Variants in KPTN observed in about 807,000 individuals in gnomAD.
The protein encoded by KPTN is kaptin, actin binding protein.
A neutral mutation model predicts 52.6 loss-of-function variants in KPTN; 36 were observed. That is an observed-to-expected ratio of 0.68 (90% CI 0.52 to 0.90). The LOEUF (loss-of-function observed/expected upper bound fraction) is 0.90. Ranked by LOEUF, KPTN falls within the 40% of genes least tolerant of loss-of-function variation. The pLI, the probability that KPTN is intolerant of heterozygous loss-of-function variation, is 0.00. For synonymous variants in KPTN, 271 were observed against 248.4 expected (o/e 1.09, Z -0.85); for missense variants, 529 against 576.2 (o/e 0.92, Z 0.84).
chr19:47,481,051 T>A lies in KPTN; in HGVS notation c.450-18A>T. ...CCTGGACCCTGAAAGCAGAGAAATCTAGAACCCAAGGTAGTGGAATCCACA... is the reference window on the plus strand; with the variant it reads ...CCTGGACCCTGAAAGCAGAGAAATCAAGAACCCAAGGTAGTGGAATCCACA... On this transcript the variant is annotated intron_variant, in intron 4 of 11. Coordinates refer to ENST00000338134, the MANE Select transcript of KPTN (RefSeq NM_007059.4). The A allele has an allele frequency of 6.4e-7, 1 of 1,563,126 alleles. No individual in the cohort carries two copies. Among genetic ancestry groups the A allele is most frequent in the East Asian group, 2.3e-5 (1 of 42,692 alleles).
chr19:47,479,927 C>T lies in KPTN; in HGVS notation c.723G>A (p.Met241Ile). The change falls in exon 8 of 12, where the codon ATG becomes ATA. Residue 241 changes from methionine to isoleucine, a missense_variant. Physicochemically the swap from Met to Ile is conservative, Grantham distance 10 (BLOSUM62 1). Coordinates refer to ENST00000338134, the MANE Select transcript of KPTN (RefSeq NM_007059.4). ...TGGGACCGTCCTGCAGGACCGACCA[C>T]ATCTGCAGAACCTCTGCGTGGAGAG... is the stretch of plus-strand genomic sequence containing the variant. ...VDQRSREVLQ[M>I]WSVLQDGPIS... The T allele has an allele frequency of 1.2e-6, 2 of 1,613,228 alleles. No individual in the cohort carries two copies. Among genetic ancestry groups the T allele is most frequent in the Non-Finnish European group, 1.7e-6 (2 of 1,179,742 alleles).
Position 47,480,961 on chromosome 19 carries a change from C to T in KPTN, c.522G>A (p.Lys174=). The change falls in exon 5 of 12, where the codon AAG becomes AAA. Residue 174 remains lysine (K), a synonymous_variant. Transcript: ENST00000338134. ...CCAGCACGCCGCCCCACCTCACCTC[C>T]TTGTAGAGATGAATGGCCGGGTCGT... ...SGNDPAIHLY[K]ENEGLHQFEE... is the part of the protein sequence containing the mutation. 6.2e-7 allele frequency: 1 copy of T among 1,609,454 alleles called. No homozygotes were observed. Among genetic ancestry groups the T allele is most frequent in the Non-Finnish European group, 8.5e-7 (1 of 1,177,666 alleles).
At chr19:47,484,334 C>T (rs540957701), upstream of KPTN, 25 of 777,896 alleles carry the variant, frequency 3.2e-5, no homozygotes, top group Non-Finnish European at 4.8e-5. Flanking sequence ...CTGCTCGGGC[C>T]TCCCAGGCGA....
rs114753604 is a variant in KPTN, at chr19:47,476,728, G to C, written c.1000-14C>G. ...ACACAGCAGTTCCTGCGGGGGTGAA[G>C]AATCAGGTCACACAGGTTGATGGGG... On this transcript the variant is annotated splice_polypyrimidine_tract_variant and intron_variant, in intron 10 of 11. Transcript: ENST00000338134. 8.1e-6 allele frequency: 13 copies of C among 1,608,844 alleles called. No individual in the cohort carries two copies. Among genetic ancestry groups the C allele is most frequent in the Non-Finnish European group, 1.1e-5 (13 of 1,177,450 alleles).
chr19:47,480,475 C>T, intron 6 of KPTN, 68 bp from the exon 7 acceptor site: 1 of 1,152,684 alleles, frequency 8.7e-7, no homozygotes. Flanking sequence ...TCTGCCTCCC[C>T]AGGGGCAGCC....
At chr19:47,476,007 CAAA>C (rs113284887) in intron 11 of KPTN, 12 of 83,108 alleles carry the variant, frequency 1.4e-4, no homozygotes, top group East Asian at 3.6e-4. Flanking sequence ...ACAAAAAAAC[CAAA>C]AAAAAAAAAA....
At chr19:47,478,865 G>A (rs1397597501) in intron 8 of KPTN, among the ~76,000 whole-genome samples, 1 of 152,176 alleles carries the variant, frequency 6.6e-6, no homozygotes, top group Non-Finnish European at 1.5e-5. Flanking sequence ...CATACAGAGT[G>A]TATAATGGTG....
chr19:47,484,328 T>C, upstream of KPTN: 1 of 835,882 alleles, frequency 1.2e-6, no homozygotes, highest in Non-Finnish European at 1.8e-6. Context: ...GGTCGCCTGC[T>C]CGGGCCTCCC....
upstream of KPTN, among the ~76,000 whole-genome samples, chr19:47,485,045 ATTC>A (rs1968030994): frequency 6.6e-6 from 1 of 151,920 alleles, no homozygotes; most frequent in Admixed American, 6.6e-5. Flanking sequence ...TAATTAATAC[ATTC>A]TTCTTGCCCC....
At chr19:47,480,266 C>G in intron 7 of KPTN, 32 bp downstream of exon 7, 1 of 1,448,342 alleles carries the variant, frequency 6.9e-7, no homozygotes, top group Non-Finnish European at 9.5e-7. Context: ...CCCTCAACCC[C>G]ACCCCTTACC....
intron 4 of KPTN, among the ~76,000 whole-genome samples, chr19:47,481,870 C>A (rs1967888689): frequency 6.6e-6 from 1 of 152,186 alleles, no homozygotes; most frequent in African/African-American, 2.4e-5. Context: ...CTTTGGGGTT[C>A]TAGCACCTTG....
In KPTN at chr19:47,480,927, G is replaced by C. The variant is rs367900558; in HGVS notation, c.525+31C>G. 9 of 1,612,240 alleles carry C rather than the reference G, an allele frequency of 5.6e-6. No individual in the cohort carries two copies. In the African/African-American group the frequency reaches 1.2e-4, roughly 22 times the overall value. On this transcript the variant is annotated intron_variant, in intron 5 of 11. Transcript: ENST00000338134. ...GCGCCAGCCCACAGTGAATCCCACA[G>C]GGCTCTGCCCAGCACGCCGCCCCAC...
At chr19:47,480,025 G>T (rs1967814536) in intron 7 of KPTN, 85 bp from the exon 8 acceptor site, 7 of 751,012 alleles carry the variant, frequency 9.3e-6, no homozygotes, top group Non-Finnish European at 1.2e-5. Context: ...CGCCCCCACC[G>T]TTCATCCCCA....
At position 47,480,317 on chromosome 19, in the gene KPTN, G is replaced by T. The variant is rs1376377863; in HGVS notation, c.690C>A (p.His230Gln). The change falls in exon 7 of 12, where the codon CAC becomes CAA. Residue 230 changes from histidine (H) to glutamine (Q), a missense_variant. By Grantham distance (24) the His-to-Gln change is conservative (BLOSUM62 0). Coordinates refer to ENST00000338134, the MANE Select transcript of KPTN (RefSeq NM_007059.4). ...CCTCACCTCGACTCCGCTGGTCCAC[G>T]TGGGCGACACGGACATAACCACTCT... ...GCQSGYVRVA[H>Q]VDQRSREVLQ... is the part of the protein sequence containing the mutation. 7.0e-7 allele frequency: 1 copy of T among 1,423,518 alleles called. No individual in the cohort carries two copies. Among genetic ancestry groups the T allele is most frequent in the South Asian group, 1.2e-5 (1 of 82,138 alleles). The allele number at this position is 1,423,518 out of a possible 1,614,324, so 88.2% of individuals were successfully genotyped here.
chr19:47,484,005 G>A lies in KPTN; in HGVS notation c.156C>T (p.Gly52=). The change falls in exon 1 of 12, where the codon GGC becomes GGT. Residue 52 remains glycine, a synonymous_variant. Transcript: ENST00000338134. ...TCTGTCGGAGGTCTTGGTAGCGGAA[G>A]CCGAGCACCTTGCCTTTAAGGGTGG... ...LAATLKGKVL[G]FRYQDLRQKI... is the part of the protein sequence containing the mutation. 2 of 1,613,366 alleles carry A rather than the reference G, an allele frequency of 1.2e-6. No homozygotes were observed. The highest frequency in any genetic ancestry group is 1.1e-5 in the South Asian group (1 of 91,086).
intron 9 of KPTN, among the ~76,000 whole-genome samples, 169 bp downstream of exon 9, chr19:47,477,537 C>T (rs769889733): frequency 2.6e-5 from 4 of 151,918 alleles, no homozygotes; most frequent in Non-Finnish European, 5.9e-5. Flanking sequence ...ATATTCCCTA[C>T]AAGTCTAGAC....
In KPTN at chr19:47,480,367, G is replaced by A. The variant is rs920253128; in HGVS notation, c.640C>T (p.Arg214Trp). Reference sequence around the variant, plus strand: ...TGACAGCCCAGAGCTGAGAGGCGCCGGGACGTGCCGGGGAAGTTGTGGACG... The same window carrying A: ...TGACAGCCCAGAGCTGAGAGGCGCCAGGACGTGCCGGGGAAGTTGTGGACG... ...LDVHNFPGTS[R>W]RLSALGCQSG... The change falls in exon 7 of 12, where the codon CGG becomes TGG. Residue 214 changes from arginine to tryptophan, a missense_variant. By Grantham distance (101) the Arg-to-Trp change is moderately radical. Transcript: ENST00000338134. 1 of 1,549,206 alleles carries A rather than the reference G, an allele frequency of 6.5e-7. No individual in the cohort carries two copies. The highest frequency in any genetic ancestry group is 8.7e-7 in the Non-Finnish European group (1 of 1,146,262).
At chr19:47,481,993 T>C (rs1462542152) in intron 4 of KPTN, among the ~76,000 whole-genome samples, 1 of 152,194 alleles carries the variant, frequency 6.6e-6, no homozygotes, top group Non-Finnish European at 1.5e-5. Flanking sequence ...TATTCAAATG[T>C]TGGAATCTTA....
At chr19:47,481,307 G>A (rs1271818234) in intron 4 of KPTN, among the ~76,000 whole-genome samples, 1 of 152,084 alleles carries the variant, frequency 6.6e-6, no homozygotes, top group East Asian at 1.9e-4. Flanking sequence ...AGAACCTCCC[G>A]CTCTTAGAGC....
Sources: gnomAD v4.1 joint callset for allele counts (sites outside exome capture counted in the v4.1 genomes callset) on GRCh38, gnomAD v4.1.1 for gene constraint, MANE v1.5 for transcripts, NCBI Gene and HGNC (gene_info 2026-07-23, HGNC 2026-07-21) for gene names.